The following ITGA3 variants were observed in gnomAD, a reference collection of about 807,000 sequenced individuals.
ITGA3 encodes integrin subunit alpha 3.
ITGA3 carries 70 observed loss-of-function variants against 131.1 expected under a neutral mutation model. That is an observed-to-expected ratio of 0.53 (90% confidence interval 0.44 to 0.65). The LOEUF (loss-of-function observed/expected upper bound fraction) is 0.65, where lower values mean the gene tolerates loss of function less well. Ranked by LOEUF, ITGA3 falls within the 30% of genes least tolerant of loss-of-function variation. The pLI, the probability that ITGA3 is intolerant of heterozygous loss-of-function variation, is 0.00. For synonymous variants in ITGA3, 537 were observed against 571.6 expected, an observed-to-expected ratio of 0.94 and a Z score of 0.86; for missense variants, 1,098 against 1,388.6, an observed-to-expected ratio of 0.79 and a Z score of 3.33.
chr17:50,059,902 C>G (rs1907996246), intron 1 of ITGA3, among the ~76,000 whole-genome samples: 1 of 152,186 alleles, frequency 6.6e-6, no homozygotes, highest in East Asian at 1.9e-4. Flanking sequence ...TTTTTCCTGT[C>G]CTTTCTCATT....
In ITGA3 at chr17:50,074,735, G is replaced by T. The variant is rs144938160; in HGVS notation, c.1469+201G>T. The stretch of plus-strand genomic sequence containing the variant: ...GTAATGGATGAAGTCGGGGGCAGTA[G>T]AGTATAGTGGTTCAAGGTGGGAGCT... On this transcript the variant is annotated intron_variant, in intron 10 of 25. Transcript: ENST00000320031. Among the ~76,000 whole-genome samples the T allele has an allele frequency of 3.8e-3, 582 of 152,322 alleles. 4 individuals are homozygous for T. The highest frequency in any genetic ancestry group is 0.013 in the African/African-American group (555 of 41,556).
chr17:50,075,909 G>T lies in ITGA3; in HGVS notation c.1674+174G>T, dbSNP rs56024481. Reference sequence around the variant, plus strand: ...ACAGTGTACAGCACCCACACATGAGGAGTGATGGAGACCCTTGGGGTGGGG... The same window carrying T: ...ACAGTGTACAGCACCCACACATGAGTAGTGATGGAGACCCTTGGGGTGGGG... On this transcript the variant is annotated intron_variant, in intron 12 of 25. Coordinates refer to ENST00000320031, the MANE Select transcript of ITGA3 (RefSeq NM_002204.4). Among the ~76,000 whole-genome samples the T allele has an allele frequency of 8.7e-3, 1,324 of 152,286 alleles. 8 individuals carry two copies. The highest frequency in any genetic ancestry group is 0.014 in the Middle Eastern group (4 of 294).
intron 3 of ITGA3, chr17:50,065,679 G>GTCTCTCTCTC (rs142557914): frequency 0.094 from 13,649 of 145,974 alleles, 942 homozygotes; most frequent in East Asian, 0.24. Flanking sequence ...GAATGAGGCT[G>GTCTCTCTCTC]TCTCTCTCTC....
At chr17:50,071,859 A>G in intron 6 of ITGA3, 127 bp from the exon 7 acceptor site, 4 of 790,228 alleles carry the variant, frequency 5.1e-6, no homozygotes, top group Non-Finnish European at 8.1e-6. Context: ...CTTCCCACCC[A>G]TGACCTGTGG....
intron 21 of ITGA3, 107 bp from the exon 22 acceptor site, chr17:50,080,155 C>G: frequency 1.6e-6 from 1 of 634,066 alleles, no homozygotes; most frequent in South Asian, 2.1e-5. Context: ...CCCTTTGGGT[C>G]ACCCAGGGGT....
chr17:50,073,771 CT>C, intron 7 of ITGA3, 144 bp from the exon 8 acceptor site: 1 of 650,758 alleles, frequency 1.5e-6, no homozygotes. Flanking sequence ...CTGCAGAGCT[CT>C]GCTCTGTCCC....
At chr17:50,059,483 A>C (rs911630278) in intron 1 of ITGA3, among the ~76,000 whole-genome samples, 2 of 152,206 alleles carry the variant, frequency 1.3e-5, no homozygotes, top group East Asian at 3.9e-4. Flanking sequence ...CTCACCTGCC[A>C]TGCTCTCCTA....
At position 50,076,390 on chromosome 17, in the gene ITGA3, T is replaced by A. The variant is rs112452978; in HGVS notation, c.1739T>A (p.Met580Lys). The change falls in exon 13 of 26, where the codon ATG (methionine) becomes AAG (lysine). Residue 580 changes from methionine (M) to lysine (K), a missense_variant. By Grantham distance (95) the Met-to-Lys change is moderately conservative. Coordinates refer to ENST00000320031, the MANE Select transcript of ITGA3 (RefSeq NM_002204.4). The stretch of plus-strand genomic sequence containing the variant: ...ATGAACTACTCTTTACCTTTGCGGA[T>A]GCCCGATCGCCCCCGGCTGGGGCTG... The part of the protein sequence containing the change: ...ISMNYSLPLR[M>K]PDRPRLGLRS... 1.4e-5 allele frequency: 22 copies of A among 1,613,300 alleles called. No individual in the cohort carries two copies. Among genetic ancestry groups the A allele is most frequent in the Non-Finnish European group, 1.8e-5 (21 of 1,179,986 alleles).
At chr17:50,062,027 A>T (rs1908105653) in intron 1 of ITGA3, among the ~76,000 whole-genome samples, 1 of 145,714 alleles carries the variant, frequency 6.9e-6, no homozygotes, top group African/African-American at 2.5e-5. Flanking sequence ...GTGACAGAGC[A>T]AGACCCTGTC....
At chr17:50,088,792 C>A (rs993083542) in intron 25 of ITGA3, among the ~76,000 whole-genome samples, 1 of 152,160 alleles carries the variant, frequency 6.6e-6, no homozygotes, top group South Asian at 2.1e-4. Context: ...TCCAGGATAA[C>A]AAATGGACCC....
At chr17:50,078,954 G>A in intron 19 of ITGA3, 28 bp downstream of exon 19, 2 of 1,534,774 alleles carry the variant, frequency 1.3e-6, no homozygotes. Context: ...GTCCTGGGCT[G>A]GGGACTTCTA....
At chr17:50,070,957 A>G (rs777082984) in intron 5 of ITGA3, 27 bp downstream of exon 5, 6 of 1,410,484 alleles carry the variant, frequency 4.3e-6, no homozygotes, top group East Asian at 2.3e-5. Flanking sequence ...TAGCCCATCA[A>G]GTGGTAGAGG....
rs954405828 is a variant in ITGA3, at chr17:50,068,417, C to T, written c.664+112C>T. ...TCCACACTAGAAACAGGACCTCATG[C>T]CAGTATCAGCAACCACCATGACTTC... On this transcript the variant is annotated intron_variant, in intron 4 of 25. Transcript: ENST00000320031. The T allele has an allele frequency of 1.6e-5, 19 of 1,156,632 alleles. No individual in the cohort carries two copies. In the African/African-American group the frequency reaches 1.7e-4, roughly 10 times the overall value. The allele number at this position is 1,156,632 out of a possible 1,614,324, so 71.6% of individuals were successfully genotyped here.
chr17:50,063,835 C>A, intron 1 of ITGA3: 1 of 537,878 alleles, frequency 1.9e-6, no homozygotes, highest in South Asian at 2.2e-5. Flanking sequence ...TGCTGGCCTC[C>A]ATCACTGCCC....
intron 7 of ITGA3, among the ~76,000 whole-genome samples, chr17:50,072,642 C>T (rs1228203568): frequency 3.3e-5 from 5 of 151,956 alleles, no homozygotes. Flanking sequence ...ATGGGGCATC[C>T]AGAGAAAGTT....
intron 1 of ITGA3, among the ~76,000 whole-genome samples, chr17:50,061,242 G>C (rs1426961365): frequency 6.6e-6 from 1 of 152,170 alleles, no homozygotes; most frequent in African/African-American, 2.4e-5. Context: ...GCATAAGGCT[G>C]GTTCCAGGCA....
At chr17:50,087,244 G>A (rs1391513507) in intron 23 of ITGA3, 1 of 152,586 alleles carries the variant, frequency 6.6e-6, no homozygotes, top group Non-Finnish European at 1.5e-5. Flanking sequence ...CCATTTTACA[G>A]ATGAACAACA....
chr17:50,088,730 G>T (rs1173816140), intron 25 of ITGA3, among the ~76,000 whole-genome samples: 1 of 152,182 alleles, frequency 6.6e-6, no homozygotes, highest in Non-Finnish European at 1.5e-5. Context: ...AAGGAGGGGA[G>T]CAGTAGAGAC....
intron 16 of ITGA3, 34 bp from the exon 17 acceptor site, chr17:50,078,012 A>ATGCCACTC: frequency 1.9e-6 from 3 of 1,576,954 alleles, no homozygotes; most frequent in Non-Finnish European, 2.6e-6. Context: ...CAGGCCCCAT[A>ATGCCACTC]TGCCACTCTC....
Sources: allele counts gnomAD v4.1 joint callset (sites outside exome capture counted in the v4.1 genomes callset), GRCh38; gene constraint gnomAD v4.1.1; transcripts MANE v1.5; gene names NCBI Gene and HGNC (gene_info 2026-07-23, HGNC 2026-07-21).